Variants in DPYD observed in about 807,000 individuals in gnomAD.
DPYD encodes dihydropyrimidine dehydrogenase [NADP(+)].
In DPYD, 109 loss-of-function variants were observed where a neutral mutation model predicts 116.2. That is an observed-to-expected ratio of 0.94 (90% confidence interval 0.80 to 1.10). The LOEUF is 1.10. Among genes scored for constraint, DPYD ranks in the 50% least tolerant of loss-of-function variants. DPYD has a pLI of 0.00. For missense variants in DPYD, 1,302 were observed against 1,254.5 expected, an observed-to-expected ratio of 1.04 and a Z score of -0.57; for synonymous variants, 440 against 432.0, an observed-to-expected ratio of 1.02 and a Z score of -0.23.
chr1:97,918,212 C>T (rs1674325197), intron 1 of DPYD, among the ~76,000 whole-genome samples: 1 of 152,046 alleles, frequency 6.6e-6, no homozygotes, highest in Admixed American at 6.6e-5. Context: ...TATTTTTTAA[C>T]ATTTTTGTCC....
intron 14 of DPYD, among the ~76,000 whole-genome samples, chr1:97,389,610 TC>T (rs1431191865): frequency 6.6e-6 from 1 of 152,046 alleles, no homozygotes; most frequent in Admixed American, 6.6e-5. Context: ...GAAAAGCCAT[TC>T]TTTTAGTGAA....
chr1:97,526,684 T>TG (rs1448757040), intron 12 of DPYD, among the ~76,000 whole-genome samples: 2 of 152,130 alleles, frequency 1.3e-5, no homozygotes, highest in African/African-American at 2.4e-5. Flanking sequence ...ACTGGGGGTC[T>TG]GTTCAAGAGA....
chr1:97,269,111 T>G (rs1664412961), intron 18 of DPYD, among the ~76,000 whole-genome samples: 1 of 152,208 alleles, frequency 6.6e-6, no homozygotes, highest in South Asian at 2.1e-4. Flanking sequence ...AGTTCTGTCT[T>G]CCACGAAATC....
At chr1:97,652,163 T>C (rs1382701924) in intron 8 of DPYD, among the ~76,000 whole-genome samples, 1 of 152,152 alleles carries the variant, frequency 6.6e-6, no homozygotes, top group African/African-American at 2.4e-5. Context: ...ACTGATTTAA[T>C]CTAGATTGCT....
At chr1:97,848,378 G>A (rs1414176574) in intron 2 of DPYD, among the ~76,000 whole-genome samples, 1 of 152,156 alleles carries the variant, frequency 6.6e-6, no homozygotes, top group African/African-American at 2.4e-5. Context: ...ATTGCAGGCT[G>A]CACAAATACC....
At chr1:97,309,481 G>A (rs773445574) in intron 16 of DPYD, among the ~76,000 whole-genome samples, 2 of 151,754 alleles carry the variant, frequency 1.3e-5, no homozygotes, top group African/African-American at 2.4e-5. Flanking sequence ...TAAGCAGAAA[G>A]ACACTTGAAG....
At chr1:97,304,547 C>T (rs569924730) in intron 18 of DPYD, among the ~76,000 whole-genome samples, 1 of 151,944 alleles carries the variant, frequency 6.6e-6, no homozygotes, top group Non-Finnish European at 1.5e-5. Context: ...TTTTCTTGAA[C>T]AGTGGGGCAC....
In DPYD at chr1:97,654,521, T is replaced by TA. The variant is rs1399497216; in HGVS notation, c.850+24573dup. On this transcript the variant is annotated intron_variant, in intron 8 of 22. Coordinates refer to ENST00000370192, the MANE Select transcript of DPYD (RefSeq NM_000110.4). ...TATAATAAAGTAATATATATTTCCA[T>TA]ATATTTTCACGATTATGTGAGGTAT... Among the ~76,000 whole-genome samples, 26 of 152,152 alleles carry TA rather than the reference T, an allele frequency of 1.7e-4. 1 individual carries two copies. Among genetic ancestry groups the TA allele is most frequent in the Non-Finnish European group, 2.9e-4 (20 of 68,028 alleles).
chr1:97,616,604 C>A (rs1656281684), intron 8 of DPYD, among the ~76,000 whole-genome samples: 1 of 151,998 alleles, frequency 6.6e-6, no homozygotes, highest in Non-Finnish European at 1.5e-5. Context: ...ACCCAAGAAT[C>A]ACAAATATTA....
chr1:97,854,978 A>T (rs1482103302), intron 2 of DPYD: 3 of 152,226 alleles, frequency 2.0e-5, no homozygotes, highest in African/African-American at 7.2e-5. Flanking sequence ...TGATCCCATC[A>T]GCTAAGCCCA....
chr1:97,615,941 C>T (rs1417332095), intron 8 of DPYD, among the ~76,000 whole-genome samples: 2 of 152,144 alleles, frequency 1.3e-5, no homozygotes, highest in Non-Finnish European at 2.9e-5. Context: ...CCTTCCTTCC[C>T]TCCTTTGCCT....
intron 19 of DPYD, among the ~76,000 whole-genome samples, chr1:97,193,687 C>T (rs756498606): frequency 3.3e-5 from 5 of 152,124 alleles, no homozygotes; most frequent in Non-Finnish European, 5.9e-5. Flanking sequence ...CTGTTTATTA[C>T]GTTAACTCAA....
At chr1:97,651,805 T>C (rs1658599113) in intron 8 of DPYD, among the ~76,000 whole-genome samples, 2 of 152,170 alleles carry the variant, frequency 1.3e-5, no homozygotes, top group African/African-American at 2.4e-5. Context: ...ACAATAATAA[T>C]AAATTTATAA....
intron 8 of DPYD, among the ~76,000 whole-genome samples, chr1:97,657,129 A>G (rs1343756669): frequency 1.3e-5 from 2 of 151,934 alleles, no homozygotes; most frequent in East Asian, 3.9e-4. Flanking sequence ...CACTGCACCC[A>G]GCTAATATTT....
intron 20 of DPYD, among the ~76,000 whole-genome samples, chr1:97,128,231 C>A (rs561274241): frequency 1.5e-3 from 230 of 152,272 alleles, no homozygotes; most frequent in Middle Eastern, 0.014. Flanking sequence ...ATATGTAGAG[C>A]ATCATATATA....
chr1:97,502,451 C>T (rs1181573938), intron 13 of DPYD, among the ~76,000 whole-genome samples: 1 of 151,904 alleles, frequency 6.6e-6, no homozygotes, highest in Non-Finnish European at 1.5e-5. Flanking sequence ...GAGATGAGGA[C>T]CGAGAGACAG....
At chr1:97,598,992 G>A (rs2786495) in intron 8 of DPYD, among the ~76,000 whole-genome samples, 2,330 of 152,264 alleles carry the variant, frequency 0.015, 52 homozygotes, top group African/African-American at 0.053. Context: ...TACATAACCA[G>A]TCCTATCTAA....
At chr1:97,745,467 C>T (rs1664497645) in intron 3 of DPYD, among the ~76,000 whole-genome samples, 1 of 152,020 alleles carries the variant, frequency 6.6e-6, no homozygotes, top group Non-Finnish European at 1.5e-5. Flanking sequence ...AACTGATGCT[C>T]AAAATTATTT....
At position 97,699,456 on chromosome 1, in the gene DPYD, A is replaced by G; in HGVS notation, c.575T>C (p.Leu192Pro). Residue 192 changes from leucine (L) to proline (P), a missense_variant, in exon 6 of 23, where the codon CTT (leucine) becomes CCT (proline). By Grantham distance (98) the Leu-to-Pro change is moderately conservative. Coordinates refer to ENST00000370192, the MANE Select transcript of DPYD (RefSeq NM_000110.4). ...MSEAYSAKIA[L>P]FGAGPASISC... The stretch of plus-strand genomic sequence containing the variant: ...TATACTTGCAGGCCCAGCACCAAAA[A>G]GAGCAATCTTTGCAGAATAGGCTTC... The G allele has an allele frequency of 1.9e-6, 3 of 1,613,716 alleles. No homozygotes were observed. The highest frequency in any genetic ancestry group is 2.5e-6 in the Non-Finnish European group (3 of 1,179,718).
Sources: allele counts gnomAD v4.1 joint callset (sites outside exome capture counted in the v4.1 genomes callset), GRCh38; gene constraint gnomAD v4.1.1; transcripts MANE v1.5; gene names NCBI Gene and HGNC (gene_info 2026-07-23, HGNC 2026-07-21).